The following DNAJC6 variants were observed in gnomAD, a reference collection of about 807,000 sequenced individuals.
DNAJC6 encodes the protein auxilin.
In DNAJC6, 34 loss-of-function variants were observed where a neutral mutation model predicts 110.0. The observed-to-expected ratio is 0.31, with a 90% confidence interval of 0.24 to 0.41. The LOEUF (loss-of-function observed/expected upper bound fraction) is 0.41. Ranked by LOEUF, DNAJC6 falls within the 10% of genes least tolerant of loss-of-function variation. The probability of loss-of-function intolerance (pLI) is 1.00; values close to 1 mark genes in which losing one functional copy is unlikely to be tolerated. For missense variants in DNAJC6, 1,031 were observed against 1,207.8 expected (o/e 0.85, Z 2.17); for synonymous variants, 406 against 437.2 (o/e 0.93, Z 0.89).
chr1:65,384,348 C>T (rs574632939), intron 6 of DNAJC6, 22 bp downstream of exon 6: 8 of 1,521,906 alleles, frequency 5.3e-6, no homozygotes, highest in Admixed American at 2.3e-5. Flanking sequence ...TAGATGCAGG[C>T]TAGGCACAGA....
intron 15 of DNAJC6, 82 bp downstream of exon 15, chr1:65,401,962 A>G: frequency 6.4e-7 from 1 of 1,568,222 alleles, no homozygotes; most frequent in Non-Finnish European, 8.6e-7. Context: ...GTGTTACAGC[A>G]AGCTGGTATT....
chr1:65,395,080 A>G (rs761795873), intron 13 of DNAJC6, 48 bp downstream of exon 13: 30 of 1,529,552 alleles, frequency 2.0e-5, no homozygotes, highest in South Asian at 1.3e-4. Context: ...GTTTTCTGCA[A>G]GATATCAGTA....
intron 1 of DNAJC6, among the ~76,000 whole-genome samples, chr1:65,321,035 G>A (rs1177535189): frequency 6.6e-6 from 1 of 152,152 alleles, no homozygotes; most frequent in African/African-American, 2.4e-5. Context: ...GGAGGGCATG[G>A]CCACAAATGA....
At chr1:65,323,093 G>A (rs1341965800) in intron 1 of DNAJC6, among the ~76,000 whole-genome samples, 1 of 152,222 alleles carries the variant, frequency 6.6e-6, no homozygotes, top group Non-Finnish European at 1.5e-5. Context: ...TGGAGTTGGA[G>A]CCAGTGGTTG....
At chr1:65,389,745 G>A (rs1570362678) in intron 11 of DNAJC6, 118 bp downstream of exon 11, 2 of 1,088,592 alleles carry the variant, frequency 1.8e-6, no homozygotes, top group Non-Finnish European at 1.4e-6. Flanking sequence ...TTCAATCCAG[G>A]CACACGGACT....
chr1:65,372,810 A>G (rs1430397642), intron 4 of DNAJC6, among the ~76,000 whole-genome samples: 1 of 152,198 alleles, frequency 6.6e-6, no homozygotes, highest in Non-Finnish European at 1.5e-5. Flanking sequence ...GTCTGTGAGT[A>G]TTAGAGAAAC....
intron 1 of DNAJC6, among the ~76,000 whole-genome samples, chr1:65,364,429 A>G (rs979119677): frequency 6.6e-6 from 1 of 152,052 alleles, no homozygotes; most frequent in Non-Finnish European, 1.5e-5. Flanking sequence ...TCAGTGAGGG[A>G]CTGACCTGGG....
intron 12 of DNAJC6, among the ~76,000 whole-genome samples, chr1:65,393,130 C>T (rs1380404740): frequency 6.6e-6 from 1 of 152,108 alleles, no homozygotes; most frequent in African/African-American, 2.4e-5. Context: ...CACTTCAACC[C>T]CTGAGCTGCA....
At chr1:65,339,133 G>A (rs566595087) in intron 1 of DNAJC6, among the ~76,000 whole-genome samples, 54 of 152,210 alleles carry the variant, frequency 3.5e-4, no homozygotes, top group African/African-American at 1.3e-3. Flanking sequence ...CACAGTAGAA[G>A]CTCAATAGAT....
At position 65,279,224 on chromosome 1, in the gene DNAJC6, C is replaced by T. The variant is rs553824707; in HGVS notation, c.-131+14292C>T. ...TTTGGGGGAGGGGCGGTGATGGTGGCGTGCAGAGATTGAACCCAGCTGTGA... is the reference window on the plus strand; with the variant it reads ...TTTGGGGGAGGGGCGGTGATGGTGGTGTGCAGAGATTGAACCCAGCTGTGA... On this transcript the variant is annotated intron_variant, in intron 1 of 19. Transcript: ENST00000263441. The T allele has an allele frequency of 5.3e-4, 497 of 935,950 alleles. 1 individual carries two copies. The African/African-American group carries it at 8.3e-3, about 16-fold the overall frequency. 58.0% of individuals were successfully genotyped at this position (935,950 alleles called of 1,614,324 possible).
intron 1 of DNAJC6, among the ~76,000 whole-genome samples, chr1:65,340,959 G>A (rs1004492429): frequency 1.3e-5 from 2 of 152,160 alleles, no homozygotes; most frequent in East Asian, 3.9e-4. Context: ...ATTCTGATGC[G>A]TAGCCTGGTA....
intron 4 of DNAJC6, among the ~76,000 whole-genome samples, chr1:65,366,413 A>C (rs564550173): frequency 6.6e-6 from 1 of 152,314 alleles, no homozygotes; most frequent in South Asian, 2.1e-4. Context: ...CTGTCAATGA[A>C]ATACCATCGA....
rs573372217 is a variant in DNAJC6 at position 65,391,089 on chromosome 1, A to G, written c.1469-1342A>G. On this transcript the variant is annotated intron_variant, in intron 11 of 18. Transcript: ENST00000371069. Reference sequence around the variant, plus strand: ...TTGGATTTTAGAAGGATGATATGCTACATAAAGTGATGTAACTTGACATCC... The same window carrying G: ...TTGGATTTTAGAAGGATGATATGCTGCATAAAGTGATGTAACTTGACATCC... 1.4e-4 allele frequency among the ~76,000 whole-genome samples: 21 copies of G among 152,314 alleles called. No individual in the cohort carries two copies. In the South Asian group the frequency reaches 3.3e-3, roughly 24 times the overall value.
rs1312034761 is a variant in DNAJC6, at chr1:65,392,856, G to C, written c.1894G>C (p.Val632Leu). 10 of 1,512,746 alleles carry C rather than the reference G, an allele frequency of 6.6e-6. No homozygotes were observed. Among genetic ancestry groups the C allele is most frequent in the Non-Finnish European group, 8.0e-6 (9 of 1,131,704 alleles). The allele number at this position is 1,512,746 out of a possible 1,614,324, so 93.7% of individuals were successfully genotyped here. Residue 632 changes from valine to leucine, a missense_variant, in exon 12 of 19, where the codon GTG becomes CTG. Transcript: ENST00000371069. ...TSTSASPTLR[V>L]GEGATFDPFG... The stretch of plus-strand genomic sequence containing the variant: ...CACCTCTGCGTCTCCAACCCTAAGA[G>C]TGGGAGAAGGTAATTTTTTCTATGT...
At chr1:65,317,641 CTGT>C (rs1645160223) in intron 1 of DNAJC6, among the ~76,000 whole-genome samples, 1 of 152,152 alleles carries the variant, frequency 6.6e-6, no homozygotes, top group South Asian at 2.1e-4. Context: ...CAGAAAATTA[CTGT>C]TGTTGTATTG....
chr1:65,373,885 A>G (rs1235952149), intron 4 of DNAJC6, among the ~76,000 whole-genome samples: 2 of 151,934 alleles, frequency 1.3e-5, no homozygotes, highest in Admixed American at 6.6e-5. Context: ...CATTTCTCTA[A>G]TGTTTTCTTC....
intron 1 of DNAJC6, among the ~76,000 whole-genome samples, chr1:65,323,742 G>A (rs796615364): frequency 2.6e-5 from 4 of 152,158 alleles, no homozygotes; most frequent in African/African-American, 9.6e-5. Context: ...TTACAAGACT[G>A]CGACACCATG....
intron 1 of DNAJC6, among the ~76,000 whole-genome samples, chr1:65,322,915 T>C (rs1645209614): frequency 9.2e-5 from 14 of 152,212 alleles, no homozygotes; most frequent in Admixed American, 9.2e-4. Flanking sequence ...AGGCAATACA[T>C]ATTCAAGGCA....
chr1:65,332,050 G>C (rs564082893), intron 1 of DNAJC6, among the ~76,000 whole-genome samples: 1 of 152,180 alleles, frequency 6.6e-6, no homozygotes, highest in Admixed American at 6.5e-5. Flanking sequence ...CCTGGGACCT[G>C]GTTCCAGGCC....
Sources: gnomAD v4.1 joint callset for allele counts (sites outside exome capture counted in the v4.1 genomes callset) on GRCh38, gnomAD v4.1.1 for gene constraint, MANE v1.5 for transcripts, NCBI Gene and HGNC (gene_info 2026-07-23, HGNC 2026-07-21) for gene names.